The following TAOK3 variants were observed in gnomAD, a reference collection of about 807,000 sequenced individuals.
The protein encoded by TAOK3 is TAO kinase 3.
Under a neutral mutation model 120.4 loss-of-function variants are expected in TAOK3, and 40 were observed. The ratio of observed to expected loss-of-function variants is 0.33; its 90% CI spans 0.26 to 0.43. The LOEUF is 0.43. Ranked by LOEUF, TAOK3 falls within the 20% of genes least tolerant of loss-of-function variation. The probability of loss-of-function intolerance (pLI) is 1.00; values close to 1 mark genes in which losing one functional copy is unlikely to be tolerated. For synonymous variants in TAOK3, 355 were observed against 387.5 expected (o/e 0.92, Z 0.99); for missense variants, 821 against 1,112.1 (o/e 0.74, Z 3.72).
intron 16 of TAOK3, among the ~76,000 whole-genome samples, chr12:118,175,573 G>A (rs970441928): frequency 6.6e-6 from 1 of 152,090 alleles, no homozygotes; most frequent in African/African-American, 2.4e-5. Context: ...GTTGCAGTGA[G>A]CCGAGACTAT....
In TAOK3 at chr12:118,255,609, C is replaced by G. The variant is rs1392672253; in HGVS notation, c.-42G>C. 6.5e-7 allele frequency: 1 copy of G among 1,548,254 alleles called. No individual in the cohort carries two copies. Among genetic ancestry groups the G allele is most frequent in the African/African-American group, 1.4e-5 (1 of 72,066 alleles). ...GGCTCTGCTTTTTGATATCAGTTAG[C>G]TTTATTTCTCATTGACAATTTTTTT... On this transcript the variant is annotated 5_prime_UTR_variant, in exon 3 of 21. Transcript: ENST00000392533.
intron 1 of TAOK3, among the ~76,000 whole-genome samples, chr12:118,286,863 A>G (rs967191694): frequency 4.6e-5 from 7 of 152,238 alleles, no homozygotes; most frequent in African/African-American, 1.7e-4. Flanking sequence ...TGTGGTATAT[A>G]TATTTAATGG....
Position 118,248,977 on chromosome 12 carries a change from T to TA in TAOK3, c.121-4013dup, listed in dbSNP as rs967727848. ...AGTCAAAACATGCTAGATAGAAACT[T>TA]AAAAAAAAATCAATGTTTTAGTACA... On this transcript the variant is annotated intron_variant, in intron 3 of 20. Transcript: ENST00000392533. 1.8e-4 allele frequency among the ~76,000 whole-genome samples: 27 copies of TA among 151,540 alleles called. No homozygotes were observed. In the South Asian group the frequency reaches 2.3e-3, roughly 13 times the overall value.
At chr12:118,234,496 G>A (rs1396675738) in intron 8 of TAOK3, among the ~76,000 whole-genome samples, 3 of 151,970 alleles carry the variant, frequency 2.0e-5, no homozygotes, top group African/African-American at 4.8e-5. Flanking sequence ...CACCCGCCTC[G>A]GACTTCCAAA....
intron 19 of TAOK3, among the ~76,000 whole-genome samples, chr12:118,152,931 C>T (rs2034555249): frequency 6.6e-6 from 1 of 152,160 alleles, no homozygotes; most frequent in African/African-American, 2.4e-5. Context: ...TGATCATGTC[C>T]TTATTTCAAG....
At chr12:118,207,826 C>A (rs2038406087) in intron 11 of TAOK3, among the ~76,000 whole-genome samples, 1 of 149,980 alleles carries the variant, frequency 6.7e-6, no homozygotes, top group South Asian at 2.1e-4. Context: ...CGCCACTGCA[C>A]TCCAGCCTGG....
chr12:118,290,161 T>C (rs1197438061), intron 1 of TAOK3, among the ~76,000 whole-genome samples: 1 of 152,166 alleles, frequency 6.6e-6, no homozygotes, highest in African/African-American at 2.4e-5. Context: ...CTTAAAACCC[T>C]TTAATCCTCA....
At chr12:118,269,383 C>CTTTT (rs1174725563) in intron 1 of TAOK3, among the ~76,000 whole-genome samples, 191 of 103,864 alleles carry the variant, frequency 1.8e-3, no homozygotes, top group Non-Finnish European at 2.8e-3. Flanking sequence ...TCTCTCTCTT[C>CTTTT]TTTTTTTTTT....
chr12:118,294,399 T>C (rs1206919654), intron 1 of TAOK3, among the ~76,000 whole-genome samples: 6 of 152,144 alleles, frequency 3.9e-5, no homozygotes, highest in African/African-American at 1.4e-4. Context: ...TTTTTTTCTT[T>C]TTTTGATAGA....
intron 13 of TAOK3, chr12:118,198,742 C>T (rs1294310503): frequency 1.1e-5 from 4 of 362,816 alleles, no homozygotes; most frequent in Non-Finnish European, 2.1e-5. Context: ...AACAGGTACA[C>T]TCAGGAAGAC....
At chr12:118,362,563 G>A (rs1024369671) in intron 1 of TAOK3, among the ~76,000 whole-genome samples, 3 of 152,136 alleles carry the variant, frequency 2.0e-5, no homozygotes, top group African/African-American at 7.2e-5. Context: ...AAGTTTATTT[G>A]TTCACAGTCG....
chr12:118,241,178 G>C (rs992173712), intron 5 of TAOK3, among the ~76,000 whole-genome samples: 6 of 151,216 alleles, frequency 4.0e-5, no homozygotes, highest in African/African-American at 1.5e-4. Context: ...AGAACAATGA[G>C]AGGTTTAGAA....
intron 7 of TAOK3, 87 bp from the exon 8 acceptor site, chr12:118,235,758 G>A (rs1243150781): frequency 1.2e-6 from 1 of 827,562 alleles, no homozygotes; most frequent in African/African-American, 1.7e-5. Flanking sequence ...AAGACAAAAA[G>A]TTTATTTAAA....
chr12:118,178,790 T>A (rs983932355), intron 15 of TAOK3, among the ~76,000 whole-genome samples: 2 of 152,212 alleles, frequency 1.3e-5, no homozygotes, highest in Non-Finnish European at 2.9e-5. Context: ...CAGTCACACA[T>A]CATGACATTT....
intron 16 of TAOK3, among the ~76,000 whole-genome samples, chr12:118,175,156 C>T (rs2036243454): frequency 6.6e-6 from 1 of 152,194 alleles, no homozygotes; most frequent in Non-Finnish European, 1.5e-5. Flanking sequence ...AGATTCTACC[C>T]ATTCAGCCAG....
chr12:118,371,686 TG>T lies in TAOK3; in HGVS notation c.-194+961del, dbSNP rs996295340. ...CCAGGCTCCCCGCCGCAGCCGTTCT[TG>T]GGGGGGCTCCCGCAACTCAGCGGGC... On this transcript the variant is annotated intron_variant, in intron 1 of 20. Coordinates refer to ENST00000392533, the MANE Select transcript of TAOK3 (RefSeq NM_016281.4). This position sits in a 1 kb window ranked among gnomAD's most constrained non-coding sequence, Gnocchi z 5.5. Among the ~76,000 whole-genome samples the T allele has an allele frequency of 2.6e-5, 4 of 151,956 alleles. No homozygotes were observed. The highest frequency in any genetic ancestry group is 7.2e-5 in the African/African-American group (3 of 41,380).
chr12:118,344,854 CT>C (rs2044787188), intron 1 of TAOK3, among the ~76,000 whole-genome samples: 1 of 152,028 alleles, frequency 6.6e-6, no homozygotes, highest in Non-Finnish European at 1.5e-5. Flanking sequence ...ATGGTGCCCC[CT>C]GTTATATTTA....
chr12:118,162,287 A>T (rs544840080), intron 17 of TAOK3, among the ~76,000 whole-genome samples: 10 of 152,140 alleles, frequency 6.6e-5, no homozygotes, highest in Non-Finnish European at 1.2e-4. Flanking sequence ...GATTAATTCT[A>T]CCTGACTCTC....
chr12:118,226,406 C>T (rs61945184), intron 9 of TAOK3, among the ~76,000 whole-genome samples: 18,385 of 151,640 alleles, frequency 0.12, 1,200 homozygotes, highest in Middle Eastern at 0.15. Flanking sequence ...TGGTGGCAGG[C>T]GCCTGTAGTA....
Sources: allele counts gnomAD v4.1 joint callset (sites outside exome capture counted in the v4.1 genomes callset), GRCh38; gene constraint gnomAD v4.1.1; non-coding constraint Gnocchi (gnomAD v3.1); transcripts MANE v1.5; gene names NCBI Gene and HGNC (gene_info 2026-07-23, HGNC 2026-07-21).